The following TCF12 variants were observed in gnomAD, a reference collection of about 807,000 sequenced individuals.
The protein encoded by TCF12 is transcription factor 12.
Under a neutral mutation model 86.0 loss-of-function variants are expected in TCF12, and 45 were observed. That is an observed-to-expected ratio of 0.52 (90% CI 0.41 to 0.67). The LOEUF (loss-of-function observed/expected upper bound fraction) is 0.67. Among genes scored for constraint, TCF12 ranks in the 30% least tolerant of loss-of-function variants. The pLI is 0.00. For synonymous variants in TCF12, 330 were observed against 299.6 expected, an observed-to-expected ratio of 1.10 and a Z score of -1.05; for missense variants, 881 against 859.9, an observed-to-expected ratio of 1.02 and a Z score of -0.31.
chr15:57,096,718 T>C (rs2049349948), intron 5 of TCF12, among the ~76,000 whole-genome samples: 1 of 152,160 alleles, frequency 6.6e-6, no homozygotes, highest in African/African-American at 2.4e-5. Context: ...ACCATCCATT[T>C]TTTTCCCCTA....
intron 3 of TCF12, among the ~76,000 whole-genome samples, chr15:56,999,414 C>G (rs113214577): frequency 2.0e-5 from 3 of 152,164 alleles, no homozygotes; most frequent in African/African-American, 7.2e-5. Context: ...AGCAACCAAA[C>G]GGGATATCAT....
intron 5 of TCF12, among the ~76,000 whole-genome samples, chr15:57,131,308 A>C (rs2052098136): frequency 6.6e-6 from 1 of 152,168 alleles, no homozygotes; most frequent in Admixed American, 6.5e-5. Context: ...AATCTGCATT[A>C]TTTTGAGCTT....
intron 7 of TCF12, among the ~76,000 whole-genome samples, chr15:57,196,094 GC>G (rs1346731447): frequency 2.0e-5 from 3 of 151,998 alleles, no homozygotes; most frequent in Non-Finnish European, 4.4e-5. Flanking sequence ...GGAGGCCGAG[GC>G]CAGAGAATCA....
intron 5 of TCF12, among the ~76,000 whole-genome samples, chr15:57,105,993 A>G (rs1438310277): frequency 1.3e-5 from 2 of 152,254 alleles, no homozygotes; most frequent in East Asian, 1.9e-4. Flanking sequence ...TCTAGGACCA[A>G]AGCAGCCAGA....
At chr15:57,243,318 G>C (rs1385610486) in intron 12 of TCF12, among the ~76,000 whole-genome samples, 154 bp from the exon 13 acceptor site, 3 of 151,998 alleles carry the variant, frequency 2.0e-5, no homozygotes, top group Non-Finnish European at 4.4e-5. Flanking sequence ...TGAGGCTTCT[G>C]TATGATGAAA....
chr15:57,125,647 A>G (rs1223637860), intron 5 of TCF12, among the ~76,000 whole-genome samples: 1 of 152,212 alleles, frequency 6.6e-6, no homozygotes, highest in Non-Finnish European at 1.5e-5. Flanking sequence ...GAAAGCAAGA[A>G]GTTTTCTCTT....
intron 3 of TCF12, among the ~76,000 whole-genome samples, chr15:57,048,536 C>G (rs1261188921): frequency 6.6e-6 from 1 of 152,186 alleles, no homozygotes; most frequent in Admixed American, 6.5e-5. Context: ...GCTGGGATTA[C>G]AGGTGTGAGC....
chr15:57,008,941 G>C (rs189966891), intron 3 of TCF12, among the ~76,000 whole-genome samples: 1 of 152,264 alleles, frequency 6.6e-6, no homozygotes, highest in Admixed American at 6.5e-5. Flanking sequence ...GTTTGGATAA[G>C]CAAAGTCAAC....
At chr15:57,026,502 T>C (rs987374505) in intron 3 of TCF12, among the ~76,000 whole-genome samples, 1 of 152,178 alleles carries the variant, frequency 6.6e-6, no homozygotes, top group South Asian at 2.1e-4. Context: ...CCAACTTTTC[T>C]CCACAAATTG....
chr15:57,169,624 T>C (rs1008137815), intron 6 of TCF12, among the ~76,000 whole-genome samples: 8 of 152,210 alleles, frequency 5.3e-5, no homozygotes, highest in Non-Finnish European at 1.2e-4. Flanking sequence ...ATCTTTAATA[T>C]TATTTTTAAG....
chr15:57,087,024 T>G (rs1473282301), intron 4 of TCF12, among the ~76,000 whole-genome samples: 1 of 151,774 alleles, frequency 6.6e-6, no homozygotes, highest in East Asian at 1.9e-4. Context: ...TCTGTCTCCC[T>G]CTGTCTCTTC....
At chr15:57,081,049 G>C (rs2070599054) in intron 4 of TCF12, among the ~76,000 whole-genome samples, 2 of 152,184 alleles carry the variant, frequency 1.3e-5, no homozygotes, top group Non-Finnish European at 2.9e-5. Flanking sequence ...GTGGCTTCAT[G>C]AGAGTCCCCC....
rs748964530 is a variant in TCF12, at chr15:57,185,700, T to C, written c.391-6458T>C. On this transcript the variant is annotated intron_variant, in intron 6 of 20. Coordinates refer to ENST00000333725, the MANE Select transcript of TCF12 (RefSeq NM_207037.2). ...CAATTCAAGACCAACTGGGGCAACATAGTGAGACCCCATCTCTACAAAACA... is the reference window on the plus strand; with the variant it reads ...CAATTCAAGACCAACTGGGGCAACACAGTGAGACCCCATCTCTACAAAACA... 3.9e-4 allele frequency among the ~76,000 whole-genome samples: 60 copies of C among 152,108 alleles called. 1 individual carries two copies. Among genetic ancestry groups the C allele is most frequent in the East Asian group, 7.7e-4 (4 of 5,164 alleles).
rs377042501 is a variant in TCF12, at chr15:57,144,684, C to T, written c.326-21718C>T. The stretch of plus-strand genomic sequence containing the variant: ...CACGAGCTCAGCTCACTGCAACCTC[C>T]GCCTCCTGAGCCCAAGTGATCCTCC... On this transcript the variant is annotated intron_variant, in intron 5 of 20. Transcript: ENST00000333725. 1.3e-4 allele frequency among the ~76,000 whole-genome samples: 20 copies of T among 152,256 alleles called. No individual in the cohort carries two copies. In the East Asian group the frequency reaches 1.4e-3, roughly 10 times the overall value.
chr15:57,148,136 G>C (rs1596822237), intron 5 of TCF12, among the ~76,000 whole-genome samples: 1 of 151,830 alleles, frequency 6.6e-6, no homozygotes, highest in East Asian at 1.9e-4. Flanking sequence ...CTCCCACCTT[G>C]GCCTTCCAAA....
intron 1 of TCF12, 118 bp downstream of exon 1, chr15:56,919,024 C>G (rs2059630596): frequency 6.6e-6 from 1 of 152,020 alleles, no homozygotes; most frequent in African/African-American, 2.4e-5. Context: ...CTCCGCGCCC[C>G]TTTGTACAGC....
intron 3 of TCF12, among the ~76,000 whole-genome samples, chr15:57,047,301 T>G (rs534077802): frequency 6.6e-6 from 1 of 152,342 alleles, no homozygotes; most frequent in East Asian, 1.9e-4. Flanking sequence ...TGGAGAGATT[T>G]TAGCCCTTCA....
At chr15:56,922,623 G>A (rs1451342657) in intron 3 of TCF12, among the ~76,000 whole-genome samples, 1 of 151,918 alleles carries the variant, frequency 6.6e-6, no homozygotes, top group African/African-American at 2.4e-5. Flanking sequence ...TTTGGAGTAG[G>A]AACTTTTAGT....
chr15:57,004,230 T>G (rs1388343114), intron 3 of TCF12, among the ~76,000 whole-genome samples: 2 of 144,188 alleles, frequency 1.4e-5, no homozygotes, highest in African/African-American at 5.4e-5. Flanking sequence ...TGTTCATTTC[T>G]TTCTTTCTTT....
Sources: gnomAD v4.1 joint callset for allele counts (sites outside exome capture counted in the v4.1 genomes callset) on GRCh38, gnomAD v4.1.1 for gene constraint, MANE v1.5 for transcripts, NCBI Gene and HGNC (gene_info 2026-07-23, HGNC 2026-07-21) for gene names.